Variants in LIPN observed in about 807,000 individuals in gnomAD.
LIPN encodes lipase member N.
Under a neutral mutation model 43.7 loss-of-function variants are expected in LIPN, and 32 were observed. That is an observed-to-expected ratio of 0.73 (90% CI 0.55 to 0.98). LIPN has a LOEUF of 0.98. LIPN is among the 50% of genes least tolerant of loss of function. The pLI, the probability that LIPN is intolerant of heterozygous loss-of-function variation, is 0.00. For missense variants in LIPN, 505 were observed against 483.8 expected (o/e 1.04, Z -0.41); for synonymous variants, 156 against 157.6 (o/e 0.99, Z 0.08).
chr10:88,770,318 T>C (rs1000123413), intron 6 of LIPN, among the ~76,000 whole-genome samples: 4 of 151,898 alleles, frequency 2.6e-5, no homozygotes, highest in African/African-American at 9.7e-5. Flanking sequence ...TCTGGGACAG[T>C]ACTCGAATGC....
upstream of LIPN, among the ~76,000 whole-genome samples, chr10:88,758,047 T>C (rs936750829): frequency 8.5e-5 from 13 of 152,122 alleles, no homozygotes; most frequent in South Asian, 4.1e-4. Flanking sequence ...TTTGAGTTAT[T>C]TTCAAGAGAA....
intron 4 of LIPN, among the ~76,000 whole-genome samples, chr10:88,764,990 A>C (rs1014258658): frequency 3.9e-5 from 6 of 152,118 alleles, no homozygotes; most frequent in Admixed American, 1.3e-4. Flanking sequence ...CTCTGACCTC[A>C]CAAAGCTTAT....
rs1033295035 is a variant in LIPN at position 88,769,161 on chromosome 10, A to G, written c.672+233A>G. ...ATACAAGGTCATCAGCAGGCTGAGT[A>G]TATGTCAGAATTTCTAGCTGAACTG... On this transcript the variant is annotated intron_variant, in intron 6 of 9. Transcript: ENST00000404459. Among the ~76,000 whole-genome samples, 25 of 151,936 alleles carry G rather than the reference A, an allele frequency of 1.6e-4. 1 individual carries two copies. Among genetic ancestry groups the G allele is most frequent in the African/African-American group, 5.8e-4 (24 of 41,424 alleles).
At chr10:88,769,946 C>T (rs1407680638) in intron 6 of LIPN, among the ~76,000 whole-genome samples, 1 of 151,850 alleles carries the variant, frequency 6.6e-6, no homozygotes, top group African/African-American at 2.4e-5. Context: ...TGTGAGCAAA[C>T]TAATTTGTTA....
intron 2 of LIPN, 99 bp downstream of exon 2, chr10:88,761,612 CA>C (rs1842998096): frequency 2.6e-6 from 2 of 781,344 alleles, no homozygotes; most frequent in Admixed American, 2.4e-5. Context: ...TCTGATAAAA[CA>C]GATAAAATGT....
intron 1 of LIPN, 57 bp from the exon 2 acceptor site, chr10:88,761,341 C>A: frequency 1.0e-6 from 1 of 988,996 alleles, no homozygotes; most frequent in Non-Finnish European, 1.6e-6. Context: ...CATTTTATTT[C>A]ATTAATCAAC....
At chr10:88,772,805 T>C (rs1033348005) in intron 7 of LIPN, among the ~76,000 whole-genome samples, 2 of 149,584 alleles carry the variant, frequency 1.3e-5, no homozygotes, top group African/African-American at 4.9e-5. Flanking sequence ...GGATACAACA[T>C]CAACATACAA....
At chr10:88,757,799 A>G (rs10887853), upstream of LIPN, among the ~76,000 whole-genome samples, 9,631 of 152,226 alleles carry the variant, frequency 0.063, 587 homozygotes, top group African/African-American at 0.16. Context: ...ATAATTTTAC[A>G]CACACACATA....
chr10:88,760,752 G>A (rs1299289938), intron 1 of LIPN, among the ~76,000 whole-genome samples: 1 of 152,118 alleles, frequency 6.6e-6, no homozygotes, highest in African/African-American at 2.4e-5. Context: ...CTTCTGTGGT[G>A]AGGCTGGATT....
chr10:88,771,978 A>T (rs908333211), intron 7 of LIPN, among the ~76,000 whole-genome samples: 5 of 151,782 alleles, frequency 3.3e-5, no homozygotes, highest in Admixed American at 6.6e-5. Flanking sequence ...ACTTCATTGT[A>T]GTTTTAGTTC....
At position 88,769,020 on chromosome 10, in the gene LIPN, A is replaced by T. The variant is rs530572621; in HGVS notation, c.672+92A>T. 6.3e-5 allele frequency: 79 copies of T among 1,257,336 alleles called. 1 individual carries two copies. In the South Asian group the frequency reaches 7.8e-4, roughly 12 times the overall value. 77.9% of individuals were successfully genotyped at this position (1,257,336 alleles called of 1,614,324 possible). On this transcript the variant is annotated intron_variant, in intron 6 of 9. Transcript: ENST00000404459. ...AATCTACTGTAAAGTAAAAGTAGGA[A>T]ATTTAGATAAAATCTATAGAACTTA...
chr10:88,769,242 T>C (rs1340318386), intron 6 of LIPN, among the ~76,000 whole-genome samples: 1 of 151,892 alleles, frequency 6.6e-6, no homozygotes, highest in Non-Finnish European at 1.5e-5. Flanking sequence ...TTTGTTCCAT[T>C]TAGTCAGGTA....
At chr10:88,766,881 A>T (rs1418245132) in intron 5 of LIPN, among the ~76,000 whole-genome samples, 1 of 152,004 alleles carries the variant, frequency 6.6e-6, no homozygotes, top group African/African-American at 2.4e-5. Flanking sequence ...AGCTTACTAT[A>T]ATAAATCAAT....
chr10:88,775,262 T>G, intron 9 of LIPN, 99 bp downstream of exon 9: 1 of 666,238 alleles, frequency 1.5e-6, no homozygotes, highest in Non-Finnish European at 2.4e-6. Flanking sequence ...TTGGTGGCAT[T>G]TATACTGATA....
intron 7 of LIPN, among the ~76,000 whole-genome samples, chr10:88,773,665 A>G (rs1843247833): frequency 6.6e-6 from 1 of 151,918 alleles, no homozygotes; most frequent in African/African-American, 2.4e-5. Context: ...TCCAAATAGC[A>G]GCCAATGAGG....
At chr10:88,765,789 G>A (rs950857819) in intron 4 of LIPN, among the ~76,000 whole-genome samples, 2 of 151,548 alleles carry the variant, frequency 1.3e-5, no homozygotes, top group African/African-American at 4.8e-5. Context: ...GTACTACCCT[G>A]TTTATTTCCC....
chr10:88,762,126 T>C, intron 2 of LIPN, 62 bp from the exon 3 acceptor site: 1 of 837,802 alleles, frequency 1.2e-6, no homozygotes, highest in Non-Finnish European at 2.0e-6. Context: ...AGATGGTTTG[T>C]TTTGATTCCT....
At chr10:88,777,452 T>G (rs146353852) in intron 9 of LIPN, among the ~76,000 whole-genome samples, 3 of 152,084 alleles carry the variant, frequency 2.0e-5, no homozygotes, top group African/African-American at 7.2e-5. Context: ...TTCCATTAAC[T>G]GTTGCCCATA....
intron 3 of LIPN, 53 bp from the exon 4 acceptor site, chr10:88,764,357 C>G: frequency 8.3e-7 from 1 of 1,208,602 alleles, no homozygotes; most frequent in East Asian, 2.4e-5. Context: ...CTCACTCTTT[C>G]TCTCTCTCTC....
Sources: allele counts gnomAD v4.1 joint callset (sites outside exome capture counted in the v4.1 genomes callset), GRCh38; gene constraint gnomAD v4.1.1; transcripts MANE v1.5; gene names NCBI Gene and HGNC (gene_info 2026-07-23, HGNC 2026-07-21).